PBX1: variants seen among roughly 807,000 people sequenced by gnomAD.
PBX1 encodes pre-B-cell leukemia transcription factor 1.
PBX1 carries 6 observed loss-of-function variants against 53.4 expected under a neutral mutation model. The ratio of observed to expected loss-of-function variants is 0.11; its 90% CI spans 0.06 to 0.22. The LOEUF is 0.22. Ranked by LOEUF, PBX1 falls within the 10% of genes least tolerant of loss-of-function variation. PBX1 has a pLI of 1.00. For synonymous variants in PBX1, 204 were observed against 212.3 expected, an observed-to-expected ratio of 0.96 and a Z score of 0.34; for missense variants, 251 against 551.4, an observed-to-expected ratio of 0.46 and a Z score of 5.46.
At chr1:164,795,299 A>G (rs1219936064) in intron 3 of PBX1, among the ~76,000 whole-genome samples, 1 of 152,224 alleles carries the variant, frequency 6.6e-6, no homozygotes, top group Non-Finnish European at 1.5e-5. Context: ...TCCACTTTGT[A>G]AGAAGAGAAT....
intron 2 of PBX1, among the ~76,000 whole-genome samples, chr1:164,783,666 C>T (rs1022004260): frequency 3.3e-5 from 5 of 152,134 alleles, no homozygotes; most frequent in Non-Finnish European, 7.3e-5. Context: ...TAGGTGAAGT[C>T]GTGTAGTAGG....
At chr1:164,673,315 T>A (rs1206367923) in intron 2 of PBX1, among the ~76,000 whole-genome samples, 1 of 152,006 alleles carries the variant, frequency 6.6e-6, no homozygotes, top group East Asian at 1.9e-4. Flanking sequence ...CCAGAAAGGG[T>A]TGGAGTGGGG....
chr1:164,734,636 T>C (rs1665172206), intron 2 of PBX1, among the ~76,000 whole-genome samples: 2 of 152,204 alleles, frequency 1.3e-5, no homozygotes, highest in East Asian at 1.9e-4. Flanking sequence ...AAATTTTCTG[T>C]GGTGATGAAT....
intron 2 of PBX1, among the ~76,000 whole-genome samples, chr1:164,790,911 A>T (rs1290302532): frequency 6.6e-6 from 1 of 152,082 alleles, no homozygotes; most frequent in Non-Finnish European, 1.5e-5. Context: ...GCTGGGAGAC[A>T]CCTGGAACTG....
intron 8 of PBX1, among the ~76,000 whole-genome samples, chr1:164,842,262 G>C (rs904447916): frequency 6.6e-6 from 1 of 152,170 alleles, no homozygotes; most frequent in African/African-American, 2.4e-5. Flanking sequence ...CACGTGTCCT[G>C]TCAGGAGAAA....
chr1:164,858,569 A>G (rs1322900815), intron 2 of PBX1, among the ~76,000 whole-genome samples: 1 of 152,064 alleles, frequency 6.6e-6, no homozygotes, highest in Non-Finnish European at 1.5e-5. Context: ...AAGCCTCACT[A>G]ATGTTTCCTT....
intron 1 of PBX1, chr1:164,560,487 C>A: frequency 3.4e-6 from 1 of 291,532 alleles, no homozygotes; most frequent in Non-Finnish European, 6.2e-6. Context: ...TTACCTAATT[C>A]AGCGAGTTTG....
intron 4 of PBX1, among the ~76,000 whole-genome samples, chr1:164,805,043 T>C (rs1669278569): frequency 6.6e-6 from 1 of 152,186 alleles, no homozygotes; most frequent in South Asian, 2.1e-4. Context: ...ATGTCTGTGA[T>C]GTCTACACAT....
chr1:164,707,675 A>C (rs943970416), intron 2 of PBX1, among the ~76,000 whole-genome samples: 17 of 152,132 alleles, frequency 1.1e-4, no homozygotes, highest in African/African-American at 3.6e-4. Flanking sequence ...AAGGGAAAAG[A>C]AAAGGAAAGG....
chr1:164,856,866 G>T (rs1671989056), intron 2 of PBX1, among the ~76,000 whole-genome samples: 1 of 152,090 alleles, frequency 6.6e-6, no homozygotes, highest in African/African-American at 2.4e-5. Context: ...CCTATCTGCT[G>T]CTTTGGGTGC....
chr1:164,589,225 G>C (rs577909773), intron 2 of PBX1, among the ~76,000 whole-genome samples: 1 of 152,068 alleles, frequency 6.6e-6, no homozygotes, highest in Non-Finnish European at 1.5e-5. Flanking sequence ...GAAGGAGGAG[G>C]GGGGCGCGGC....
At chr1:164,588,372 G>GGA (rs397772560) in intron 2 of PBX1, among the ~76,000 whole-genome samples, 3 of 139,262 alleles carry the variant, frequency 2.2e-5, no homozygotes, top group Admixed American at 7.5e-5. Flanking sequence ...AGGATTTGGG[G>GGA]AAAAAAAATC....
intron 2 of PBX1, among the ~76,000 whole-genome samples, chr1:164,635,587 C>T (rs1344998287): frequency 6.6e-6 from 1 of 152,238 alleles, no homozygotes; most frequent in Non-Finnish European, 1.5e-5. Context: ...GCGCCATTCT[C>T]CCGCTCGTCT....
downstream of PBX1, among the ~76,000 whole-genome samples, chr1:164,855,242 A>G (rs1025189817): frequency 6.6e-6 from 1 of 152,176 alleles, no homozygotes. Context: ...CACCACGCCT[A>G]GGTTCCTCTC....
chr1:164,869,870 A>G (rs892694668), intron 2 of PBX1, among the ~76,000 whole-genome samples: 4 of 152,182 alleles, frequency 2.6e-5, no homozygotes, highest in African/African-American at 9.6e-5. Context: ...GAAGCAAGCC[A>G]GGCAGAGTAT....
intron 8 of PBX1, among the ~76,000 whole-genome samples, chr1:164,841,562 T>G (rs1263427739): frequency 6.6e-6 from 1 of 152,148 alleles, no homozygotes; most frequent in Non-Finnish European, 1.5e-5. Flanking sequence ...ACTGTAAAAT[T>G]CCCCAGGAAA....
At chr1:164,617,812 A>G (rs1238999944) in intron 2 of PBX1, among the ~76,000 whole-genome samples, 3 of 152,324 alleles carry the variant, frequency 2.0e-5, no homozygotes, top group Middle Eastern at 3.4e-3. Flanking sequence ...ACCAGTTTCC[A>G]TATTCCACTA....
Position 164,716,877 on chromosome 1 carries a change from A to T in PBX1, c.266-75617A>T, listed in dbSNP as rs139750346. On this transcript the variant is annotated intron_variant, in intron 2 of 8. Coordinates refer to ENST00000420696, the MANE Select transcript of PBX1 (RefSeq NM_002585.4). ...GGTGCCAGACAGTTCAACATGGAAC[A>T]TAATTAAAACATTAAATACTGGAAT... Among the ~76,000 whole-genome samples, 7 of 152,362 alleles carry T rather than the reference A, an allele frequency of 4.6e-5. No homozygotes were observed. The East Asian group carries it at 1.3e-3, about 29-fold the overall frequency.
intron 8 of PBX1, among the ~76,000 whole-genome samples, chr1:164,845,592 A>T (rs1027489188): frequency 6.6e-6 from 1 of 152,210 alleles, no homozygotes; most frequent in African/African-American, 2.4e-5. Flanking sequence ...ATTATGCATC[A>T]TGAATTAACC....
Sources: allele counts gnomAD v4.1 joint callset (sites outside exome capture counted in the v4.1 genomes callset), GRCh38; gene constraint gnomAD v4.1.1; transcripts MANE v1.5; gene names NCBI Gene and HGNC (gene_info 2026-07-23, HGNC 2026-07-21).